The following PRR5L variants were observed in gnomAD, a reference collection of about 807,000 sequenced individuals.
The protein encoded by PRR5L is proline-rich protein 5-like.
A neutral mutation model predicts 36.4 loss-of-function variants in PRR5L; 21 were observed. The observed-to-expected ratio is 0.58, with a 90% CI of 0.41 to 0.83. PRR5L has a LOEUF of 0.83. Among genes scored for constraint, PRR5L ranks in the 40% least tolerant of loss-of-function variants. The pLI is 0.00. For synonymous variants in PRR5L, 188 were observed against 197.0 expected, an observed-to-expected ratio of 0.95 and a Z score of 0.38; for missense variants, 381 against 473.3, an observed-to-expected ratio of 0.80 and a Z score of 1.81.
chr11:36,330,710 T>C (rs1353476111), intron 1 of PRR5L, among the ~76,000 whole-genome samples: 2 of 152,224 alleles, frequency 1.3e-5, no homozygotes, highest in African/African-American at 4.8e-5. Flanking sequence ...ATTGTCTCTG[T>C]GACATATTAA....
intron 1 of PRR5L, among the ~76,000 whole-genome samples, chr11:36,381,977 T>G (rs1471538727): frequency 6.6e-6 from 1 of 151,966 alleles, no homozygotes; most frequent in Non-Finnish European, 1.5e-5. Context: ...ACCAGCATGG[T>G]GAAACCCCAT....
At chr11:36,405,358 A>G (rs1857887642) in intron 3 of PRR5L, among the ~76,000 whole-genome samples, 1 of 152,242 alleles carries the variant, frequency 6.6e-6, no homozygotes, top group Non-Finnish European at 1.5e-5. Flanking sequence ...TTGGTAAATA[A>G]TCCAAATTTC....
rs551833895 is a variant in PRR5L at position 36,367,788 on chromosome 11, C to G, written c.-125-33209C>G. 9.2e-5 allele frequency among the ~76,000 whole-genome samples: 14 copies of G among 151,820 alleles called. No individual in the cohort carries two copies. The East Asian group carries it at 2.7e-3, about 29-fold the overall frequency. On this transcript the variant is annotated intron_variant, in intron 1 of 8. Transcript: ENST00000530639. ...TCTCTCTCTCTGTTGCCGTCTCTCT[C>G]TCAAAGTAAATACAATGAAGTGTAT...
At chr11:36,393,168 A>G (rs538911968) in intron 1 of PRR5L, among the ~76,000 whole-genome samples, 1 of 152,288 alleles carries the variant, frequency 6.6e-6, no homozygotes, top group East Asian at 1.9e-4. Context: ...TTTGCTGGGC[A>G]GAAGCTTTTT....
chr11:36,332,995 G>C (rs7943002), intron 1 of PRR5L, among the ~76,000 whole-genome samples: 126,276 of 152,086 alleles, frequency 0.83, 52,639 homozygotes, highest in East Asian at 0.99. Flanking sequence ...ATGTCCACTG[G>C]CTTTCCCTAC....
intron 1 of PRR5L, among the ~76,000 whole-genome samples, chr11:36,367,304 G>A (rs1387181443): frequency 1.3e-5 from 2 of 152,170 alleles, no homozygotes; most frequent in African/African-American, 4.8e-5. Flanking sequence ...CAAACATAAT[G>A]GTTGGTCAAT....
chr11:36,312,738 C>T (rs928408265), intron 1 of PRR5L, among the ~76,000 whole-genome samples: 6 of 152,266 alleles, frequency 3.9e-5, no homozygotes, highest in East Asian at 1.9e-4. Context: ...GTATAACATA[C>T]AGCGTGCACA....
chr11:36,345,172 G>A (rs902462705), intron 1 of PRR5L, among the ~76,000 whole-genome samples: 5 of 152,086 alleles, frequency 3.3e-5, no homozygotes, highest in African/African-American at 1.2e-4. Flanking sequence ...GGTGGTTTGA[G>A]GGCTAGGAAG....
chr11:36,327,545 A>G (rs1856677209), intron 1 of PRR5L, among the ~76,000 whole-genome samples: 2 of 152,188 alleles, frequency 1.3e-5, no homozygotes, highest in South Asian at 4.1e-4. Flanking sequence ...TGTAGGAGAA[A>G]TTTACATTCT....
intron 1 of PRR5L, among the ~76,000 whole-genome samples, chr11:36,361,868 G>T (rs187270385): frequency 5.4e-4 from 82 of 152,152 alleles, no homozygotes; most frequent in Admixed American, 2.0e-3. Flanking sequence ...GTTAAAGAGA[G>T]ATCGCGAGCC....
At position 36,350,905 on chromosome 11, in the gene PRR5L, A is replaced by AATATATATATATATTTAT. The variant is rs1554986932; in HGVS notation, c.-125-50085_-125-50068dup. On this transcript the variant is annotated intron_variant, in intron 1 of 8. Transcript: ENST00000530639. The stretch of plus-strand genomic sequence containing the variant: ...TACGGCTGAGTAGTATTCCATGGTA[A>AATATATATATATATTTAT]ATATATATATATATTTATATATATT... 9.7e-4 allele frequency among the ~76,000 whole-genome samples: 72 copies of AATATATATATATATTTAT among 74,302 alleles called. 2 individuals carry two copies. Among genetic ancestry groups the AATATATATATATATTTAT allele is most frequent in the Non-Finnish European group, 1.4e-3 (52 of 37,204 alleles). 48.7% of individuals were successfully genotyped at this position (74,302 alleles called of 152,430 possible).
chr11:36,346,500 G>A (rs553550570), intron 1 of PRR5L, among the ~76,000 whole-genome samples: 3 of 152,094 alleles, frequency 2.0e-5, no homozygotes, highest in South Asian at 2.1e-4. Context: ...GGAGAATGGC[G>A]TGAACCCGGG....
At chr11:36,416,521 A>T (rs984160334) in intron 3 of PRR5L, among the ~76,000 whole-genome samples, 3 of 152,186 alleles carry the variant, frequency 2.0e-5, no homozygotes, top group Non-Finnish European at 4.4e-5. Flanking sequence ...CACTATCAGC[A>T]TGGCGAAAGG....
chr11:36,416,802 C>T (rs1054589832), intron 3 of PRR5L, among the ~76,000 whole-genome samples: 9 of 134,484 alleles, frequency 6.7e-5, no homozygotes, highest in African/African-American at 2.4e-4. Context: ...TAGAGTGAAG[C>T]CCCTTCGTGC....
intron 3 of PRR5L, among the ~76,000 whole-genome samples, chr11:36,417,592 G>T (rs770253539): frequency 6.6e-6 from 1 of 152,230 alleles, no homozygotes; most frequent in Non-Finnish European, 1.5e-5. Flanking sequence ...ATCCACAACA[G>T]ACAAATATTC....
chr11:36,455,127 G>C (rs1483920854), intron 8 of PRR5L, among the ~76,000 whole-genome samples: 2 of 152,166 alleles, frequency 1.3e-5, no homozygotes, highest in East Asian at 3.9e-4. Flanking sequence ...CTGGGGGAGG[G>C]CCCTTCTCCT....
At chr11:36,407,881 T>C (rs1407887988) in intron 3 of PRR5L, among the ~76,000 whole-genome samples, 1 of 152,208 alleles carries the variant, frequency 6.6e-6, no homozygotes, top group Non-Finnish European at 1.5e-5. Flanking sequence ...TGTTAGCAGA[T>C]AGACTTTGAA....
intron 1 of PRR5L, among the ~76,000 whole-genome samples, chr11:36,365,664 A>G (rs1367163682): frequency 6.6e-6 from 1 of 152,210 alleles, no homozygotes; most frequent in Non-Finnish European, 1.5e-5. Context: ...CTTGGGGAAC[A>G]GTTTGAGAAA....
In PRR5L at chr11:36,417,119, G is replaced by A. The variant is rs146465131; in HGVS notation, c.246-2136G>A. On this transcript the variant is annotated intron_variant, in intron 3 of 8. Coordinates refer to ENST00000530639, the MANE Select transcript of PRR5L (RefSeq NM_001160167.2). ...TTCCTTGGGACACCAATTCCACAGC[G>A]TATTATTTGATCTCAGAAGCACATT... 2.4e-4 allele frequency among the ~76,000 whole-genome samples: 37 copies of A among 152,218 alleles called. No individual in the cohort carries two copies. In the East Asian group the frequency reaches 4.1e-3, roughly 17 times the overall value.
Sources: allele counts gnomAD v4.1 joint callset (sites outside exome capture counted in the v4.1 genomes callset), GRCh38; gene constraint gnomAD v4.1.1; transcripts MANE v1.5; gene names NCBI Gene and HGNC (gene_info 2026-07-23, HGNC 2026-07-21).